Variants in CADM2 observed in about 807,000 individuals in gnomAD.
CADM2 encodes the protein immunoglobulin superfamily member 4D.
A neutral mutation model predicts 49.8 loss-of-function variants in CADM2; 12 were observed. That is an observed-to-expected ratio of 0.24 (90% CI 0.15 to 0.39). The LOEUF is 0.39. Ranked by LOEUF, CADM2 falls within the 10% of genes least tolerant of loss-of-function variation. The probability of loss-of-function intolerance (pLI) is 1.00; values close to 1 mark genes in which losing one functional copy is unlikely to be tolerated. For synonymous variants in CADM2, 214 were observed against 175.4 expected (o/e 1.22, Z -1.74); for missense variants, 378 against 492.3 (o/e 0.77, Z 2.20).
At chr3:85,791,744 GA>G (rs113598836) in intron 2 of CADM2, among the ~76,000 whole-genome samples, 649 of 152,110 alleles carry the variant, frequency 4.3e-3, no homozygotes, top group African/African-American at 0.014. Context: ...TTGTTTTTGA[GA>G]CAGACTCTCA....
At chr3:85,509,909 CTTA>C (rs1559877330) in intron 1 of CADM2, among the ~76,000 whole-genome samples, 1 of 151,852 alleles carries the variant, frequency 6.6e-6, no homozygotes, top group Non-Finnish European at 1.5e-5. Flanking sequence ...GAAGAATCTT[CTTA>C]TATTAAAATC....
chr3:85,939,519 A>C lies in CADM2; in HGVS notation c.791+3662A>C, dbSNP rs190371413. 1.4e-4 allele frequency among the ~76,000 whole-genome samples: 19 copies of C among 133,136 alleles called. No individual in the cohort carries two copies. In the East Asian group the frequency reaches 4.6e-3, roughly 32 times the overall value. The allele number at this position is 133,136 out of a possible 152,430, so 87.3% of individuals were successfully genotyped here. A position where few individuals can be genotyped will look rare whatever the true frequency, so the allele number is the denominator to read the frequency against. On this transcript the variant is annotated intron_variant, in intron 7 of 9. Transcript: ENST00000383699. ...CACACACACAACATGAAACCTTTATATTACATTAAAGTCATGACCTTAAAT... is the reference window on the plus strand; with the variant it reads ...CACACACACAACATGAAACCTTTATCTTACATTAAAGTCATGACCTTAAAT...
At chr3:85,793,118 T>G (rs754235425) in intron 2 of CADM2, among the ~76,000 whole-genome samples, 6 of 152,188 alleles carry the variant, frequency 3.9e-5, no homozygotes, top group Non-Finnish European at 5.9e-5. Context: ...TCTAAGTATA[T>G]GACAGATGGC....
intron 1 of CADM2, among the ~76,000 whole-genome samples, chr3:85,191,065 T>C (rs1326992923): frequency 2.0e-5 from 3 of 152,082 alleles, no homozygotes. Context: ...ATGAATGATA[T>C]TCTGTTGGCA....
chr3:86,049,432 G>A (rs541891847), intron 8 of CADM2, among the ~76,000 whole-genome samples: 295 of 151,624 alleles, frequency 1.9e-3, no homozygotes, highest in Non-Finnish European at 3.8e-3. Flanking sequence ...CCGCCACCAC[G>A]CCCGGCTAAT....
At chr3:85,075,652 A>T (rs933011846) in intron 1 of CADM2, among the ~76,000 whole-genome samples, 2 of 152,174 alleles carry the variant, frequency 1.3e-5, no homozygotes, top group Admixed American at 1.3e-4. Context: ...AAATACAAGC[A>T]TGTGTAAAAT....
intron 1 of CADM2, among the ~76,000 whole-genome samples, chr3:85,551,457 A>T (rs533904774): frequency 6.6e-6 from 1 of 152,092 alleles, no homozygotes. Context: ...TTAGTCAGGT[A>T]CCCTAAGTAG....
chr3:86,055,481 G>GTTTTTTTTTTTTT (rs1440467932), intron 8 of CADM2, among the ~76,000 whole-genome samples: 2 of 121,042 alleles, frequency 1.7e-5, no homozygotes, highest in Non-Finnish European at 1.6e-5. Context: ...TTTTTTTTTG[G>GTTTTTTTTTTTTT]TTTTAGAGGG....
chr3:85,086,129 A>G (rs2037362205), intron 1 of CADM2, among the ~76,000 whole-genome samples: 1 of 152,158 alleles, frequency 6.6e-6, no homozygotes, highest in Non-Finnish European at 1.5e-5. Context: ...ATACCAACAC[A>G]TTACTAAATA....
rs562691122 is a variant in CADM2, at chr3:85,901,814, C to G, written c.530-10559C>G. ...CGACTTTCCCCCAACTGTCTCCACC[C>G]TAACTCTAAGCAACCACAAATCTAC... On this transcript the variant is annotated intron_variant, in intron 5 of 9. Coordinates refer to ENST00000383699, the MANE Select transcript of CADM2 (RefSeq NM_001167675.2). Among the ~76,000 whole-genome samples the G allele has an allele frequency of 1.4e-3, 208 of 152,254 alleles. 1 individual carries two copies. Among genetic ancestry groups the G allele is most frequent in the Non-Finnish European group, 2.3e-3 (159 of 67,992 alleles).
At chr3:85,543,998 T>G (rs2061607224) in intron 1 of CADM2, among the ~76,000 whole-genome samples, 1 of 152,216 alleles carries the variant, frequency 6.6e-6, no homozygotes, top group South Asian at 2.1e-4. Context: ...TCCAATATAC[T>G]GATAGCATCC....
intron 1 of CADM2, among the ~76,000 whole-genome samples, chr3:85,407,038 A>C (rs1344509656): frequency 6.6e-6 from 1 of 152,072 alleles, no homozygotes; most frequent in Admixed American, 6.6e-5. Flanking sequence ...CCTACAAAAA[A>C]TAAAAATAAA....
chr3:85,344,314 G>A (rs1158115323), intron 1 of CADM2, among the ~76,000 whole-genome samples: 1 of 151,552 alleles, frequency 6.6e-6, no homozygotes, highest in Non-Finnish European at 1.5e-5. Flanking sequence ...TCGGGAACTG[G>A]AGGTTACAGT....
At chr3:85,473,871 C>T (rs1440479619) in intron 1 of CADM2, among the ~76,000 whole-genome samples, 3 of 151,930 alleles carry the variant, frequency 2.0e-5, no homozygotes, top group Non-Finnish European at 2.9e-5. Context: ...GTCACAAAAC[C>T]TAAAGTCAAA....
chr3:85,957,677 A>G (rs1053306797), intron 7 of CADM2, among the ~76,000 whole-genome samples: 9 of 151,790 alleles, frequency 5.9e-5, no homozygotes, highest in Non-Finnish European at 1.2e-4. Context: ...TGCCACTCAC[A>G]TGCACTAGGC....
At chr3:85,947,255 T>G (rs1418449311) in intron 7 of CADM2, among the ~76,000 whole-genome samples, 2 of 151,744 alleles carry the variant, frequency 1.3e-5, no homozygotes, top group Non-Finnish European at 2.9e-5. Flanking sequence ...TCTTATTAAA[T>G]GCTATGTATA....
chr3:85,209,252 G>A (rs1017421980), intron 1 of CADM2, among the ~76,000 whole-genome samples: 1 of 152,064 alleles, frequency 6.6e-6, no homozygotes, highest in Non-Finnish European at 1.5e-5. Context: ...AAATACGTTG[G>A]TTCAGATTTG....
chr3:85,846,606 C>A (rs1327955004), intron 3 of CADM2, among the ~76,000 whole-genome samples: 1 of 152,098 alleles, frequency 6.6e-6, no homozygotes, highest in African/African-American at 2.4e-5. Flanking sequence ...GTGGCTTACA[C>A]CTGTAATCCC....
chr3:85,393,990 T>C (rs2034646363), intron 1 of CADM2, among the ~76,000 whole-genome samples: 1 of 152,082 alleles, frequency 6.6e-6, no homozygotes, highest in Non-Finnish European at 1.5e-5. Context: ...GTATTTTTAG[T>C]AGAGACGGGG....
Sources: gnomAD v4.1 joint callset for allele counts (sites outside exome capture counted in the v4.1 genomes callset) on GRCh38, gnomAD v4.1.1 for gene constraint, MANE v1.5 for transcripts, NCBI Gene and HGNC (gene_info 2026-07-23, HGNC 2026-07-21) for gene names.